CALN1: variants seen among roughly 807,000 people sequenced by gnomAD.
The protein encoded by CALN1 is calneuron 1.
Under a neutral mutation model 30.6 loss-of-function variants are expected in CALN1, and 17 were observed. The observed-to-expected ratio is 0.56, with a 90% CI of 0.38 to 0.83. CALN1 has a LOEUF of 0.83. Among genes scored for constraint, CALN1 ranks in the 40% least tolerant of loss-of-function variants. The pLI is 0.00. For missense variants in CALN1, 291 were observed against 354.9 expected (o/e 0.82, Z 1.45); for synonymous variants, 156 against 131.4 (o/e 1.19, Z -1.28).
At chr7:72,212,123 C>A (rs549244783) in intron 3 of CALN1, among the ~76,000 whole-genome samples, 2 of 152,004 alleles carry the variant, frequency 1.3e-5, no homozygotes, top group Non-Finnish European at 1.5e-5. Flanking sequence ...GAGGCCAAGG[C>A]GGGCAGATAA....
At chr7:72,154,830 G>A (rs1453653757) in intron 3 of CALN1, among the ~76,000 whole-genome samples, 1 of 152,116 alleles carries the variant, frequency 6.6e-6, no homozygotes, top group Non-Finnish European at 1.5e-5. Flanking sequence ...AGGATTACTT[G>A]AGCCTAGGAG....
chr7:72,476,821 T>C, the CALN1 span, among the ~76,000 whole-genome samples: 1 of 151,924 alleles, frequency 6.6e-6, no homozygotes, highest in African/African-American at 2.4e-5. Flanking sequence ...AGGGGCAGAG[T>C]CCCCTGCTGG....
intron 2 of CALN1, among the ~76,000 whole-genome samples, chr7:72,321,124 C>G (rs539745619): frequency 1.4e-4 from 22 of 152,274 alleles, no homozygotes; most frequent in Admixed American, 4.6e-4. Context: ...TAAGACTTCA[C>G]CTATTCAATT....
intron 2 of CALN1, among the ~76,000 whole-genome samples, chr7:72,374,473 G>C (rs1195974675): frequency 6.7e-6 from 1 of 148,268 alleles, no homozygotes; most frequent in African/African-American, 2.5e-5. Flanking sequence ...AGAGGTTGCA[G>C]TGAGCCAAGA....
At chr7:72,455,746 G>C in the CALN1 span, among the ~76,000 whole-genome samples, 2 of 152,112 alleles carry the variant, frequency 1.3e-5, no homozygotes, top group Admixed American at 6.6e-5. Flanking sequence ...AACAGAATGA[G>C]CTCCAAGATT....
intron 3 of CALN1, among the ~76,000 whole-genome samples, chr7:72,193,176 A>G (rs1353853262): frequency 2.1e-5 from 3 of 141,542 alleles, no homozygotes; most frequent in African/African-American, 7.4e-5. Context: ...TGACAGAGTG[A>G]GACTCCATCT....
chr7:71,827,833 A>G (rs1483587278), intron 5 of CALN1, among the ~76,000 whole-genome samples: 2 of 151,800 alleles, frequency 1.3e-5, no homozygotes, highest in Non-Finnish European at 2.9e-5. Context: ...GGAAAGTCAC[A>G]TTGAGAAGGT....
At chr7:72,330,719 T>C (rs769071684) in intron 2 of CALN1, among the ~76,000 whole-genome samples, 2 of 152,168 alleles carry the variant, frequency 1.3e-5, no homozygotes, top group African/African-American at 2.4e-5. Flanking sequence ...TTGTGGTGCA[T>C]GAGATAAAGT....
chr7:71,972,177 A>G (rs562361956), intron 5 of CALN1, among the ~76,000 whole-genome samples: 3 of 152,126 alleles, frequency 2.0e-5, no homozygotes, highest in Non-Finnish European at 2.9e-5. Flanking sequence ...TTAAATTTGC[A>G]TCTCTCTCTG....
intron 5 of CALN1, among the ~76,000 whole-genome samples, chr7:71,991,577 G>T (rs1226158453): frequency 6.6e-6 from 1 of 151,962 alleles, no homozygotes; most frequent in Non-Finnish European, 1.5e-5. Flanking sequence ...TCTATAACAT[G>T]ATTTTAAACA....
chr7:72,249,813 T>C (rs1251833979), intron 3 of CALN1, among the ~76,000 whole-genome samples: 1 of 152,028 alleles, frequency 6.6e-6, no homozygotes, highest in African/African-American at 2.4e-5. Flanking sequence ...GGTGGGCACC[T>C]GTAATCACAG....
intron 1 of CALN1, among the ~76,000 whole-genome samples, chr7:72,436,526 T>C (rs1374853080): frequency 6.6e-6 from 1 of 152,192 alleles, no homozygotes; most frequent in Non-Finnish European, 1.5e-5. Context: ...TACAACTGCA[T>C]TCCTTAAGTC....
At chr7:71,966,510 T>C (rs1197090021) in intron 5 of CALN1, among the ~76,000 whole-genome samples, 2 of 152,172 alleles carry the variant, frequency 1.3e-5, no homozygotes, top group East Asian at 1.9e-4. Context: ...TAAAAGTGTG[T>C]GGCACCTCCC....
intron 5 of CALN1, among the ~76,000 whole-genome samples, chr7:71,845,904 A>T (rs574466897): frequency 6.6e-6 from 1 of 152,120 alleles, no homozygotes; most frequent in African/African-American, 2.4e-5. Context: ...AAATACAAAA[A>T]TTAGCTGGGC....
chr7:71,841,259 G>A (rs1789923196), intron 5 of CALN1, among the ~76,000 whole-genome samples: 1 of 152,202 alleles, frequency 6.6e-6, no homozygotes, highest in African/African-American at 2.4e-5. Context: ...GGGAAGGCAG[G>A]CTGCTGCCTC....
At chr7:72,374,554 A>AAAAG (rs1331271050) in intron 2 of CALN1, among the ~76,000 whole-genome samples, 3 of 129,848 alleles carry the variant, frequency 2.3e-5, no homozygotes, top group East Asian at 4.2e-4. Flanking sequence ...AAAAGGAAAA[A>AAAAG]AAAGAAAAAA....
At chr7:72,367,095 T>C (rs1346214236) in intron 2 of CALN1, among the ~76,000 whole-genome samples, 2 of 144,434 alleles carry the variant, frequency 1.4e-5, no homozygotes, top group African/African-American at 2.5e-5. Context: ...TGCTTCATGA[T>C]TATATTTTAA....
intron 1 of CALN1, among the ~76,000 whole-genome samples, chr7:72,410,247 A>C (rs1383089824): frequency 6.6e-6 from 1 of 152,218 alleles, no homozygotes; most frequent in African/African-American, 2.4e-5. Flanking sequence ...TTAACTGCTT[A>C]TGAGCAATGA....
chr7:71,875,069 G>A (rs138562021), intron 5 of CALN1, among the ~76,000 whole-genome samples: 11 of 144,670 alleles, frequency 7.6e-5, no homozygotes, highest in African/African-American at 2.8e-4. Context: ...GGGGGCTGAA[G>A]CACCAGAATC....
Sources: gnomAD v4.1 joint callset for allele counts (sites outside exome capture counted in the v4.1 genomes callset) on GRCh38, gnomAD v4.1.1 for gene constraint, MANE v1.5 for transcripts, NCBI Gene and HGNC (gene_info 2026-07-23, HGNC 2026-07-21) for gene names.